The following STAG1 variants were observed in gnomAD, a reference collection of about 807,000 sequenced individuals.
STAG1 encodes STAG1 cohesin complex component, also known as cohesin subunit SA-1.
Under a neutral mutation model 170.9 loss-of-function variants are expected in STAG1, and 26 were observed. The ratio of observed to expected loss-of-function variants is 0.15; its 90% CI spans 0.11 to 0.21. STAG1 has a LOEUF of 0.21. STAG1 is among the 10% of genes least tolerant of loss of function. The probability of loss-of-function intolerance (pLI) is 1.00; values close to 1 mark genes in which losing one functional copy is unlikely to be tolerated. For missense variants in STAG1, 964 were observed against 1,509.5 expected (o/e 0.64, Z 5.99); for synonymous variants, 514 against 497.7 (o/e 1.03, Z -0.44).
chr3:136,595,263 T>C (rs1192261997), intron 4 of STAG1, among the ~76,000 whole-genome samples: 1 of 152,186 alleles, frequency 6.6e-6, no homozygotes, highest in Non-Finnish European at 1.5e-5. Flanking sequence ...ACTACTCTCA[T>C]AGCCATCCTC....
At chr3:136,462,212 A>C (rs58641485) in intron 13 of STAG1, among the ~76,000 whole-genome samples, 26,383 of 152,136 alleles carry the variant, frequency 0.17, 3,861 homozygotes, top group African/African-American at 0.41. Context: ...TACAAGAAAA[A>C]AATCAGCATA....
rs186487003 is a variant in STAG1, at chr3:136,549,513, C to T, written c.395-7318G>A. On this transcript the variant is annotated intron_variant, in intron 5 of 33. Transcript: ENST00000383202. ...ACAGGGTTTCACCATGTTGGCCAGGCTGGTCTTGAACTCCTGACCTCAGGT... is the reference window on the plus strand; with the variant it reads ...ACAGGGTTTCACCATGTTGGCCAGGTTGGTCTTGAACTCCTGACCTCAGGT... 3.4e-3 allele frequency among the ~76,000 whole-genome samples: 515 copies of T among 152,232 alleles called. 11 individuals carry two copies. Among genetic ancestry groups the T allele is most frequent in the Admixed American group, 0.028 (432 of 15,290 alleles).
intron 28 of STAG1, among the ~76,000 whole-genome samples, chr3:136,356,598 T>C (rs945756480): frequency 6.6e-6 from 1 of 152,064 alleles, no homozygotes; most frequent in Non-Finnish European, 1.5e-5. Context: ...CCAGGACTGG[T>C]CTTGAACTCC....
chr3:136,623,348 G>A, intron 2 of STAG1, 100 bp from the exon 3 acceptor site: 3 of 962,168 alleles, frequency 3.1e-6, no homozygotes, highest in South Asian at 3.4e-5. Context: ...GATTAGAAGT[G>A]GTTTATACTT....
At chr3:136,600,870 GTTTTGTTTTGTT>G (rs1192109557) in intron 4 of STAG1, among the ~76,000 whole-genome samples, 1 of 1,390 alleles carries the variant, frequency 7.2e-4, no homozygotes, top group Non-Finnish European at 1.6e-3. Context: ...TTGTTTGTTT[GTTTTGTTTTGTT>G]TTGTTTTGTT....
chr3:136,666,143 G>A (rs1037414385), intron 1 of STAG1, among the ~76,000 whole-genome samples: 1 of 138,268 alleles, frequency 7.2e-6, no homozygotes, highest in Non-Finnish European at 1.5e-5. Flanking sequence ...TAGAAGCTGA[G>A]TGTGACACTT....
In STAG1 at chr3:136,748,310, C is replaced by T. The variant is rs886509157; in HGVS notation, c.-84+3885G>A. 1.1e-4 allele frequency among the ~76,000 whole-genome samples: 17 copies of T among 151,900 alleles called. No individual in the cohort carries two copies. The East Asian group carries it at 2.9e-3, about 26-fold the overall frequency. On this transcript the variant is annotated intron_variant, in intron 1 of 33. Coordinates refer to ENST00000383202, the MANE Select transcript of STAG1 (RefSeq NM_005862.3). ...CAGCTACTCGGGAGGCTGAGGCACGCGAATCGCCTGAACCCAGGCGGTGGA... is the reference window on the plus strand; with the variant it reads ...CAGCTACTCGGGAGGCTGAGGCACGTGAATCGCCTGAACCCAGGCGGTGGA...
intron 9 of STAG1, among the ~76,000 whole-genome samples, chr3:136,497,383 A>G (rs1476698230): frequency 6.6e-6 from 1 of 151,246 alleles, no homozygotes; most frequent in Non-Finnish European, 1.5e-5. Flanking sequence ...AAAACATATC[A>G]TGATAATGTG....
intron 5 of STAG1, 102 bp downstream of exon 5, chr3:136,568,663 T>C: frequency 9.0e-6 from 7 of 774,106 alleles, no homozygotes; most frequent in Non-Finnish European, 8.8e-6. Context: ...AGATAATCTT[T>C]AATTTTAGGG....
At chr3:136,720,364 G>A (rs570838785) in intron 1 of STAG1, among the ~76,000 whole-genome samples, 3 of 152,118 alleles carry the variant, frequency 2.0e-5, no homozygotes, top group Non-Finnish European at 4.4e-5. Flanking sequence ...CAATGGTGAG[G>A]AGTATTCAAA....
At chr3:136,423,659 G>T (rs560012009) in intron 16 of STAG1, among the ~76,000 whole-genome samples, 1 of 152,152 alleles carries the variant, frequency 6.6e-6, no homozygotes, top group South Asian at 2.1e-4. Context: ...ATATTAAAAT[G>T]TAAGTTCAGT....
At chr3:136,668,376 A>G (rs1274841322) in intron 1 of STAG1, among the ~76,000 whole-genome samples, 1 of 146,406 alleles carries the variant, frequency 6.8e-6, no homozygotes, top group Non-Finnish European at 1.5e-5. Context: ...ATAATATATT[A>G]TACATAATAT....
At position 136,343,966 on chromosome 3, in the gene STAG1, G is replaced by T. The variant is rs748823468; in HGVS notation, c.3312C>A (p.Thr1104=). The change falls in exon 30 of 34, where the codon ACC becomes ACA. Residue 1104 remains threonine, a synonymous_variant. Transcript: ENST00000383202. ...LDNTWLNRTD[T]MIQTPGPLPA... is the part of the protein sequence containing the mutation. ...GCAGGGGGCCAGGAGTCTGAATCAT[G>T]GTGTCAGTCCTGTTTAGCCATGTGT... 4 of 1,610,018 alleles carry T rather than the reference G, an allele frequency of 2.5e-6. No individual in the cohort carries two copies. The highest frequency in any genetic ancestry group is 1.7e-4 in the Middle Eastern group (1 of 6,026).
chr3:136,366,645 G>A (rs888211485), intron 25 of STAG1, among the ~76,000 whole-genome samples: 2 of 152,138 alleles, frequency 1.3e-5, no homozygotes, highest in East Asian at 1.9e-4. Flanking sequence ...ATCTGTGCCT[G>A]TCAGGCCACA....
In STAG1 at chr3:136,732,259, AC is replaced by A. The variant is rs1309253844; in HGVS notation, c.-84+19935del. On this transcript the variant is annotated intron_variant, in intron 1 of 33. Coordinates refer to ENST00000383202, the MANE Select transcript of STAG1 (RefSeq NM_005862.3). Reference sequence around the variant, plus strand: ...AACTAAAAAAAAAAAAAAAAAAAAAACACCTTAGTCACAATTTTGTTGTCTG... The same window carrying A: ...AACTAAAAAAAAAAAAAAAAAAAAAAACCTTAGTCACAATTTTGTTGTCTG... 6.2e-3 allele frequency among the ~76,000 whole-genome samples: 928 copies of A among 150,758 alleles called. 8 individuals carry two copies. Among genetic ancestry groups the A allele is most frequent in the African/African-American group, 0.02 (823 of 40,850 alleles).
At chr3:136,702,515 T>A (rs929359045) in intron 1 of STAG1, among the ~76,000 whole-genome samples, 1 of 152,018 alleles carries the variant, frequency 6.6e-6, no homozygotes, top group Non-Finnish European at 1.5e-5. Context: ...GGCTCCCAAG[T>A]AGCTGGGATT....
At chr3:136,724,500 A>G (rs1933544197) in intron 1 of STAG1, among the ~76,000 whole-genome samples, 1 of 151,702 alleles carries the variant, frequency 6.6e-6, no homozygotes, top group African/African-American at 2.4e-5. Flanking sequence ...TAGGAAAACC[A>G]GAGACCTTTG....
chr3:136,420,986 G>T, intron 20 of STAG1, 107 bp downstream of exon 20: 1 of 603,092 alleles, frequency 1.7e-6, no homozygotes, highest in Non-Finnish European at 2.8e-6. Context: ...CGCCAGGCTG[G>T]TCTCCAATTC....
At chr3:136,348,237 G>T (rs1936306368) in intron 29 of STAG1, among the ~76,000 whole-genome samples, 1 of 151,642 alleles carries the variant, frequency 6.6e-6, no homozygotes, top group African/African-American at 2.4e-5. Context: ...TTTACTTTGA[G>T]GCTTCTCTTA....
Sources: gnomAD v4.1 joint callset for allele counts (sites outside exome capture counted in the v4.1 genomes callset) on GRCh38, gnomAD v4.1.1 for gene constraint, MANE v1.5 for transcripts, NCBI Gene and HGNC (gene_info 2026-07-23, HGNC 2026-07-21) for gene names.